Variants in KIAA0825 observed in about 807,000 individuals in gnomAD.
The protein encoded by KIAA0825 is uncharacterized protein KIAA0825.
KIAA0825 carries 119 observed loss-of-function variants against 147.6 expected under a neutral mutation model. That is an observed-to-expected ratio of 0.81 (90% CI 0.69 to 0.94). The LOEUF (loss-of-function observed/expected upper bound fraction) is 0.94, where lower values mean the gene tolerates loss of function less well. Among genes scored for constraint, KIAA0825 ranks in the 40% least tolerant of loss-of-function variants. The pLI is 0.00. For synonymous variants in KIAA0825, 470 were observed against 518.1 expected (o/e 0.91, Z 1.26); for missense variants, 1,381 against 1,472.7 (o/e 0.94, Z 1.02).
intron 20 of KIAA0825, among the ~76,000 whole-genome samples, chr5:94,231,432 T>A (rs573265635): frequency 5.6e-4 from 85 of 152,264 alleles, no homozygotes; most frequent in Middle Eastern, 3.4e-3. Context: ...GCACCCTGTT[T>A]ATTAGAAGGG....
At chr5:94,366,829 C>A (rs569382834) in intron 20 of KIAA0825, among the ~76,000 whole-genome samples, 1 of 152,244 alleles carries the variant, frequency 6.6e-6, no homozygotes, top group African/African-American at 2.4e-5. Flanking sequence ...ACGACAGTAC[C>A]CCAAACAAAG....
chr5:94,537,477 C>T (rs900802343), intron 2 of KIAA0825, among the ~76,000 whole-genome samples: 7 of 151,840 alleles, frequency 4.6e-5, no homozygotes, highest in African/African-American at 1.7e-4. Flanking sequence ...TGATGAAACC[C>T]GGTCTCTACT....
intron 20 of KIAA0825, among the ~76,000 whole-genome samples, chr5:94,250,538 C>T (rs1337226862): frequency 6.6e-6 from 1 of 152,074 alleles, no homozygotes; most frequent in Non-Finnish European, 1.5e-5. Flanking sequence ...GACACCCTGG[C>T]AGAAATTGCT....
chr5:94,445,189 G>T (rs1562503640), intron 13 of KIAA0825, among the ~76,000 whole-genome samples: 1 of 152,108 alleles, frequency 6.6e-6, no homozygotes, highest in Non-Finnish European at 1.5e-5. Flanking sequence ...GTCTCCCCTA[G>T]CAACACATTC....
chr5:94,167,776 G>GAAAT (rs1350309956), intron 20 of KIAA0825, among the ~76,000 whole-genome samples: 3 of 151,946 alleles, frequency 2.0e-5, no homozygotes, highest in Non-Finnish European at 4.4e-5. Flanking sequence ...GAGGTTCCAT[G>GAAAT]AAATGCAAAG....
At chr5:94,338,439 G>T (rs1217528442) in intron 20 of KIAA0825, among the ~76,000 whole-genome samples, 1 of 152,130 alleles carries the variant, frequency 6.6e-6, no homozygotes, top group Non-Finnish European at 1.5e-5. Context: ...GTGTGTATGT[G>T]TGGGTGTGTG....
chr5:94,454,452 C>A (rs759540455), intron 12 of KIAA0825, among the ~76,000 whole-genome samples: 1 of 152,168 alleles, frequency 6.6e-6, no homozygotes, highest in Non-Finnish European at 1.5e-5. Context: ...TAGACTTGGA[C>A]ATTTTTTAGA....
At position 94,445,222 on chromosome 5, in the gene KIAA0825, C is replaced by G. The variant is rs940672536; in HGVS notation, c.2358-5101G>C. On this transcript the variant is annotated intron_variant, in intron 13 of 20. Coordinates refer to ENST00000682413, the MANE Select transcript of KIAA0825 (RefSeq NM_001145678.3). ...TTCCTGACCCAGTAAGAAAGTGGTT[C>G]AATATTTCTTCCACTTTATCATACT... 7.9e-5 allele frequency among the ~76,000 whole-genome samples: 12 copies of G among 152,126 alleles called. 1 individual carries two copies. Among genetic ancestry groups the G allele is most frequent in the African/African-American group, 2.9e-4 (12 of 41,432 alleles).
At chr5:94,433,204 T>A (rs1253832108) in intron 14 of KIAA0825, among the ~76,000 whole-genome samples, 3 of 152,012 alleles carry the variant, frequency 2.0e-5, no homozygotes, top group African/African-American at 7.2e-5. Flanking sequence ...ATTTTTTATA[T>A]TTTTAGTAGA....
Position 94,386,404 on chromosome 5 carries a change from C to T in KIAA0825, c.3457G>A (p.Glu1153Lys). The change falls in exon 19 of 21, where the codon GAA (glutamate) becomes AAA (lysine). Residue 1153 changes from glutamate (E) to lysine (K), a missense_variant and splice_region_variant. Transcript: ENST00000682413. ...QIYHIMQLNEEYLKEQLFSMN... is the reference protein window; with the variant it reads ...QIYHIMQLNEKYLKEQLFSMN... The stretch of plus-strand genomic sequence containing the variant: ...GAAAACAGCTGTTCTTTTAAATATT[C>T]CTTCAAAGAAAAGAAATTACAAGTT... 6.5e-7 allele frequency: 1 copy of T among 1,542,020 alleles called. No individual in the cohort carries two copies. Among genetic ancestry groups the T allele is most frequent in the Non-Finnish European group, 8.7e-7 (1 of 1,143,746 alleles).
In KIAA0825 at chr5:94,484,945, G is replaced by C. The variant is rs1275815526; in HGVS notation, c.971-15C>G. Reference sequence around the variant, plus strand: ...TTCAGTAGTAACTGTGAAAAGAAAAGATCAATACTGTCATACATTTTATTT... The same window carrying C: ...TTCAGTAGTAACTGTGAAAAGAAAACATCAATACTGTCATACATTTTATTT... On this transcript the variant is annotated splice_polypyrimidine_tract_variant and intron_variant, in intron 5 of 20. Transcript: ENST00000682413. 6 of 1,449,082 alleles carry C rather than the reference G, an allele frequency of 4.1e-6. No homozygotes were observed. Among genetic ancestry groups the C allele is most frequent in the Non-Finnish European group, 5.5e-6 (6 of 1,081,874 alleles). 89.8% of individuals were successfully genotyped at this position (1,449,082 alleles called of 1,614,324 possible).
intron 3 of KIAA0825, among the ~76,000 whole-genome samples, chr5:94,533,676 G>A (rs1771387209): frequency 6.6e-6 from 1 of 152,318 alleles, no homozygotes; most frequent in South Asian, 2.1e-4. Context: ...GCAGTTTTCA[G>A]TTAGGGAACT....
At chr5:94,294,497 G>A (rs1778046242) in intron 20 of KIAA0825, among the ~76,000 whole-genome samples, 1 of 152,214 alleles carries the variant, frequency 6.6e-6, no homozygotes, top group Non-Finnish European at 1.5e-5. Context: ...GGAGGCCAAG[G>A]TGGGTGGATC....
At chr5:94,472,525 C>A (rs1329312177) in intron 8 of KIAA0825, among the ~76,000 whole-genome samples, 1 of 152,132 alleles carries the variant, frequency 6.6e-6, no homozygotes, top group South Asian at 2.1e-4. Flanking sequence ...GCGGGCGGAT[C>A]ACAAGGTCGG....
intron 6 of KIAA0825, among the ~76,000 whole-genome samples, chr5:94,478,484 A>AC (rs1396655968): frequency 8.4e-6 from 1 of 119,144 alleles, no homozygotes; most frequent in Non-Finnish European, 1.8e-5. Context: ...CACACACACA[A>AC]ATTGGGGATT....
chr5:94,353,730 T>C (rs1783950068), intron 20 of KIAA0825, among the ~76,000 whole-genome samples: 1 of 152,176 alleles, frequency 6.6e-6, no homozygotes, highest in Non-Finnish European at 1.5e-5. Context: ...TAGCTCTTTC[T>C]AGTCTTTGAC....
At chr5:94,245,912 G>GGT (rs199807462) in intron 20 of KIAA0825, among the ~76,000 whole-genome samples, 6,128 of 152,108 alleles carry the variant, frequency 0.04, 196 homozygotes, top group East Asian at 0.12. Flanking sequence ...TTTCTCAACA[G>GGT]CCTGACTCAG....
At chr5:94,485,388 A>C (rs1306441129) in intron 5 of KIAA0825, among the ~76,000 whole-genome samples, 1 of 151,816 alleles carries the variant, frequency 6.6e-6, no homozygotes, top group Non-Finnish European at 1.5e-5. Context: ...ATTAAGTAAA[A>C]CTGAAATTAA....
Position 94,280,062 on chromosome 5 carries a change from A to G in KIAA0825, c.3710+104306T>C, listed in dbSNP as rs547470954. Among the ~76,000 whole-genome samples the G allele has an allele frequency of 5.3e-4, 80 of 152,192 alleles. 1 individual carries two copies. In the South Asian group the frequency reaches 0.016, roughly 30 times the overall value. ...GCCACACTCGGTGGCCTGGGGAGTGACAGGATTAGTTTTATATTTTAGAAG... is the reference window on the plus strand; with the variant it reads ...GCCACACTCGGTGGCCTGGGGAGTGGCAGGATTAGTTTTATATTTTAGAAG... On this transcript the variant is annotated intron_variant, in intron 20 of 20. Transcript: ENST00000682413.
Sources: allele counts gnomAD v4.1 joint callset (sites outside exome capture counted in the v4.1 genomes callset), GRCh38; gene constraint gnomAD v4.1.1; transcripts MANE v1.5; gene names NCBI Gene and HGNC (gene_info 2026-07-23, HGNC 2026-07-21).